The following TRAF2 variants were observed in gnomAD, a reference collection of about 807,000 sequenced individuals.
TRAF2 encodes the protein TNF receptor associated factor 2.
In TRAF2, 6 loss-of-function variants were observed where a neutral mutation model predicts 55.6. That is an observed-to-expected ratio of 0.11 (90% CI 0.06 to 0.21). TRAF2 has a LOEUF of 0.21. TRAF2 is among the 10% of genes least tolerant of loss of function. The pLI is 1.00. For synonymous variants in TRAF2, 329 were observed against 276.3 expected, an observed-to-expected ratio of 1.19 and a Z score of -1.89; for missense variants, 561 against 684.5, an observed-to-expected ratio of 0.82 and a Z score of 2.01.
At chr9:136,902,115 G>T (rs546154971) in intron 4 of TRAF2, 2 of 152,274 alleles carry the variant, frequency 1.3e-5, no homozygotes, top group African/African-American at 4.8e-5. Context: ...ATGCCAGACC[G>T]CCCTCAGCCA....
chr9:136,883,495 TAG>T (rs1272171113), upstream of TRAF2, among the ~76,000 whole-genome samples: 9 of 152,118 alleles, frequency 5.9e-5, 1 homozygote, highest in East Asian at 5.8e-4. Context: ...CTGAAGGAAG[TAG>T]AGTGTCCTAA....
chr9:136,914,789 A>C (rs1379183530), intron 6 of TRAF2, among the ~76,000 whole-genome samples: 1 of 152,110 alleles, frequency 6.6e-6, no homozygotes, highest in Non-Finnish European at 1.5e-5. Flanking sequence ...CTGTGTCATA[A>C]GTCATTCGAA....
intron 1 of TRAF2, 85 bp from the exon 2 acceptor site, chr9:136,898,628 G>T: frequency 6.5e-7 from 1 of 1,548,444 alleles, no homozygotes; most frequent in Non-Finnish European, 8.7e-7. Context: ...CCTCACCATC[G>T]CCTGCTACTG....
At chr9:136,921,823 G>A (rs1564421919) in intron 9 of TRAF2, among the ~76,000 whole-genome samples, 1 of 152,154 alleles carries the variant, frequency 6.6e-6, no homozygotes, top group Non-Finnish European at 1.5e-5. Context: ...CCAGGACTGT[G>A]CTTCTGGGCG....
In TRAF2 at chr9:136,909,582, C is replaced by T. The variant is rs566002227; in HGVS notation, c.529-338C>T. On this transcript the variant is annotated intron_variant, in intron 5 of 10. Coordinates refer to ENST00000247668, the MANE Select transcript of TRAF2 (RefSeq NM_021138.4). ...CCGCATGCCGCCAGCCCTGCCCATC[C>T]GCCAGGCCCTCCCACCGGCCTCGCC... 1.6e-3 allele frequency among the ~76,000 whole-genome samples: 243 copies of T among 152,314 alleles called. 1 individual carries two copies. The highest frequency in any genetic ancestry group is 1.7e-3 in the Non-Finnish European group (116 of 68,024).
intron 1 of TRAF2, among the ~76,000 whole-genome samples, chr9:136,897,208 G>A (rs571142296): frequency 1.8e-4 from 28 of 152,336 alleles, no homozygotes; most frequent in Non-Finnish European, 3.5e-4. Flanking sequence ...CAAAAGGAAG[G>A]GTGAGGTGCA....
At chr9:136,888,150 C>T (rs1849495804) in intron 1 of TRAF2, among the ~76,000 whole-genome samples, 1 of 152,194 alleles carries the variant, frequency 6.6e-6, no homozygotes, top group Non-Finnish European at 1.5e-5. Context: ...GGATTACAGG[C>T]ATGAGCCACC....
At chr9:136,916,673 GCC>G in intron 7 of TRAF2, 58 bp downstream of exon 7, 1 of 1,534,232 alleles carries the variant, frequency 6.5e-7, no homozygotes, top group African/African-American at 1.4e-5. Flanking sequence ...GGTCTTCACT[GCC>G]TCCAGCCCAG....
At chr9:136,914,079 G>T (rs941877018) in intron 6 of TRAF2, among the ~76,000 whole-genome samples, 1 of 152,198 alleles carries the variant, frequency 6.6e-6, no homozygotes, top group Non-Finnish European at 1.5e-5. Flanking sequence ...GGTGATGCTG[G>T]CAGGAACCAC....
intron 6 of TRAF2, among the ~76,000 whole-genome samples, chr9:136,915,160 CAA>C (rs1289641837): frequency 6.6e-6 from 1 of 152,084 alleles, no homozygotes; most frequent in Non-Finnish European, 1.5e-5. Flanking sequence ...GCCTGGGCAA[CAA>C]GAGAGAAACT....
chr9:136,887,752 A>G (rs1849486747), intron 1 of TRAF2, among the ~76,000 whole-genome samples: 1 of 152,198 alleles, frequency 6.6e-6, no homozygotes, highest in African/African-American at 2.4e-5. Flanking sequence ...CTCCTCTTCT[A>G]CCACGCTTGC....
chr9:136,892,757 G>T (rs1849606698), intron 1 of TRAF2, among the ~76,000 whole-genome samples: 1 of 152,006 alleles, frequency 6.6e-6, no homozygotes, highest in Non-Finnish European at 1.5e-5. Flanking sequence ...ACAGGCGTCT[G>T]TAATCCCAGC....
chr9:136,882,871 C>A (rs1332040934), upstream of TRAF2: 12 of 372,660 alleles, frequency 3.2e-5, no homozygotes, highest in Admixed American at 6.4e-4. Context: ...ACAGGCCTGT[C>A]ATCACAATCA....
chr9:136,893,414 C>G (rs369296303), intron 1 of TRAF2, among the ~76,000 whole-genome samples: 1 of 152,208 alleles, frequency 6.6e-6, no homozygotes, highest in African/African-American at 2.4e-5. Flanking sequence ...CTGACAGTCT[C>G]GTCACAGTTT....
intron 10 of TRAF2, among the ~76,000 whole-genome samples, chr9:136,925,432 G>A (rs541802358): frequency 6.6e-6 from 1 of 152,260 alleles, no homozygotes; most frequent in Non-Finnish European, 1.5e-5. Context: ...GATGTCAGTG[G>A]ACAGGAAAGG....
At position 136,908,242 on chromosome 9, in the gene TRAF2, T is replaced by TG. The variant is rs760919503; in HGVS notation, c.528+13dup. The TG allele has an allele frequency of 1.9e-6, 3 of 1,561,030 alleles. No individual in the cohort carries two copies. The African/African-American group carries it at 4.1e-5, about 21-fold the overall frequency. On this transcript the variant is annotated intron_variant, in intron 5 of 10. Transcript: ENST00000247668. ...GGAGCAGACGTGAAGGTGCGTGGGG[T>TG]GGAGCAGCAGCCTGTGTGGCTGCAG...
intron 7 of TRAF2, among the ~76,000 whole-genome samples, chr9:136,919,703 C>T (rs1418162140): frequency 1.3e-5 from 2 of 151,764 alleles, no homozygotes; most frequent in African/African-American, 4.8e-5. Flanking sequence ...CCCTTCATCT[C>T]GTCCTGTCCC....
chr9:136,920,909 G>C (rs962487088), intron 8 of TRAF2, 129 bp from the exon 9 acceptor site: 1 of 1,143,520 alleles, frequency 8.7e-7, no homozygotes, highest in Admixed American at 2.3e-5. Flanking sequence ...TGCAGGGAGT[G>C]GACATGAGAA....
upstream of TRAF2, among the ~76,000 whole-genome samples, chr9:136,885,288 C>G (rs1264992902): frequency 6.6e-6 from 1 of 152,192 alleles, no homozygotes; most frequent in Non-Finnish European, 1.5e-5. Context: ...TTGGAGGAGA[C>G]TTACCTCCGT....
Sources: allele counts gnomAD v4.1 joint callset (sites outside exome capture counted in the v4.1 genomes callset), GRCh38; gene constraint gnomAD v4.1.1; transcripts MANE v1.5; gene names NCBI Gene and HGNC (gene_info 2026-07-23, HGNC 2026-07-21).